SIRPA: variants seen among roughly 807,000 people sequenced by gnomAD.
SIRPA encodes signal regulatory protein alpha, also known as tyrosine-protein phosphatase non-receptor type substrate 1.
Under a neutral mutation model 50.3 loss-of-function variants are expected in SIRPA, and 9 were observed. That is an observed-to-expected ratio of 0.18 (90% CI 0.11 to 0.31). The LOEUF is 0.31. SIRPA is among the 10% of genes least tolerant of loss of function. The pLI is 1.00. For missense variants in SIRPA, 474 were observed against 661.6 expected (o/e 0.72, Z 3.11); for synonymous variants, 265 against 284.1 (o/e 0.93, Z 0.68).
chr20:1,909,730 C>T (rs1047881531), intron 1 of SIRPA, among the ~76,000 whole-genome samples: 15 of 151,934 alleles, frequency 9.9e-5, no homozygotes, highest in Non-Finnish European at 8.8e-5. Flanking sequence ...TGCAGTGAGC[C>T]GAGATTGTGC....
Position 1,939,196 on chromosome 20 carries a change from A to G in SIRPA, c.*1628A>G, listed in dbSNP as rs765539885. ...TTATTCAGTCTTCACTATAACTCTT[A>G]GAGTTGAGACGCTAATGTTCATGAC... On this transcript the variant is annotated 3_prime_UTR_variant, in exon 8 of 8. Coordinates refer to ENST00000358771, the MANE Select transcript of SIRPA (RefSeq NM_001040023.2). This position sits in a 1 kb window ranked among gnomAD's most constrained non-coding sequence, Gnocchi z 4.7. The G allele has an allele frequency of 6.6e-6, 1 of 152,184 alleles. No individual in the cohort carries two copies. Among genetic ancestry groups the G allele is most frequent in the Non-Finnish European group, 1.5e-5 (1 of 68,044 alleles). 9.4% of individuals were successfully genotyped at this position (152,184 alleles called of 1,614,324 possible). A position where few individuals can be genotyped will look rare whatever the true frequency, so the allele number is the denominator to read the frequency against.
rs1600468109 is a variant in SIRPA, at chr20:1,937,113, G to A, written c.1267-207G>A. On this transcript the variant is annotated intron_variant, in intron 7 of 7. Coordinates refer to ENST00000358771, the MANE Select transcript of SIRPA (RefSeq NM_001040023.2). The surrounding 1 kb of genome is among the most constrained non-coding windows in gnomAD (Gnocchi z 8.3). The stretch of plus-strand genomic sequence containing the variant: ...TGTGCGGGTCAGAAAGACCCTTCAG[G>A]CAGGGTGAGGAGGAGGGCAGATGGG... 6.8e-6 allele frequency among the ~76,000 whole-genome samples: 1 copy of A among 147,546 alleles called. No individual in the cohort carries two copies. Among genetic ancestry groups the A allele is most frequent in the Non-Finnish European group, 1.5e-5 (1 of 68,000 alleles).
chr20:1,921,331 C>G, intron 2 of SIRPA, 64 bp from the exon 3 acceptor site: 4 of 1,608,986 alleles, frequency 2.5e-6, no homozygotes, highest in Non-Finnish European at 3.4e-6. Context: ...TAACGTGTCA[C>G]ACACTTATCG....
At chr20:1,935,388 A>T (rs745312426) in intron 7 of SIRPA, among the ~76,000 whole-genome samples, 15 of 152,358 alleles carry the variant, frequency 9.8e-5, no homozygotes, top group Non-Finnish European at 1.9e-4. Context: ...GTAACAAGAC[A>T]GGCCCTGCTC....
chr20:1,929,223 C>T (rs941403099), intron 6 of SIRPA, among the ~76,000 whole-genome samples: 2 of 152,040 alleles, frequency 1.3e-5, no homozygotes, highest in Non-Finnish European at 2.9e-5. Context: ...AAAGTGTCGC[C>T]TGGCTACATG....
chr20:1,897,668 A>G (rs1055941794), intron 1 of SIRPA, among the ~76,000 whole-genome samples: 3 of 150,888 alleles, frequency 2.0e-5, no homozygotes, highest in African/African-American at 7.3e-5. Flanking sequence ...AATGACTACT[A>G]GTGTCTCAGG....
intron 1 of SIRPA, among the ~76,000 whole-genome samples, chr20:1,906,906 C>A (rs1479997162): frequency 6.6e-6 from 1 of 152,168 alleles, no homozygotes; most frequent in Non-Finnish European, 1.5e-5. Context: ...GGAAATGTCT[C>A]ATTCTGAGTC....
Position 1,915,263 on chromosome 20 carries a change from C to A in SIRPA, c.244C>A (p.Gln82Lys). The A allele has an allele frequency of 1.2e-6, 2 of 1,613,122 alleles. No homozygotes were observed. Among genetic ancestry groups the A allele is most frequent in the Non-Finnish European group, 1.7e-6 (2 of 1,179,738 alleles). Residue 82 changes from glutamine (Q) to lysine (K), a missense_variant, in exon 2 of 8, where the codon CAA becomes AAA. This residue lies in a region of SIRPA where 221 missense variants were observed against 359.9 expected (regional missense o/e 0.61). Transcript: ENST00000358771. ...ACCAGGCCGGGAATTAATCTACAATCAAAAAGAAGGCCACTTCCCCCGGGT... is the reference window on the plus strand; with the variant it reads ...ACCAGGCCGGGAATTAATCTACAATAAAAAAGAAGGCCACTTCCCCCGGGT... Reference protein sequence around the residue: ...AGPGRELIYNQKEGHFPRVTT... With the variant: ...AGPGRELIYNKKEGHFPRVTT...
chr20:1,936,654 A>G lies in SIRPA; in HGVS notation c.1267-666A>G, dbSNP rs992693296. ...TTGCCATCCACTCATATATTCATTC[A>G]ATATGGATCAGACTTCTTATGTGCC... On this transcript the variant is annotated intron_variant, in intron 7 of 7. Coordinates refer to ENST00000358771, the MANE Select transcript of SIRPA (RefSeq NM_001040023.2). This position sits in a 1 kb window ranked among gnomAD's most constrained non-coding sequence, Gnocchi z 4.2. Among the ~76,000 whole-genome samples the G allele has an allele frequency of 6.6e-6, 1 of 152,204 alleles. No homozygotes were observed. The highest frequency in any genetic ancestry group is 1.5e-5 in the Non-Finnish European group (1 of 68,040).
chr20:1,919,659 G>A (rs188151212), intron 2 of SIRPA, among the ~76,000 whole-genome samples: 4 of 151,940 alleles, frequency 2.6e-5, no homozygotes, highest in Admixed American at 2.0e-4. Context: ...TCCCTGCCTC[G>A]ACACACCAAG....
intron 5 of SIRPA, among the ~76,000 whole-genome samples, chr20:1,925,275 A>G (rs540000979): frequency 6.6e-6 from 1 of 152,318 alleles, no homozygotes; most frequent in East Asian, 1.9e-4. Context: ...CCTGGACAGG[A>G]GGCCAGAGGG....
At chr20:1,926,826 AC>A (rs1032491410) in intron 5 of SIRPA, among the ~76,000 whole-genome samples, 1 of 151,640 alleles carries the variant, frequency 6.6e-6, no homozygotes. Flanking sequence ...CCATAACTAG[AC>A]CCCCCTTCTC....
At chr20:1,895,306 C>T (rs1983716929), upstream of SIRPA, 4 of 495,630 alleles carry the variant, frequency 8.1e-6, no homozygotes, top group Non-Finnish European at 1.3e-5. Context: ...GCGGCCGCTC[C>T]AGGCGCCCGT....
chr20:1,901,772 C>T (rs771222738), intron 1 of SIRPA, among the ~76,000 whole-genome samples: 21 of 152,118 alleles, frequency 1.4e-4, no homozygotes, highest in Admixed American at 3.9e-4. Flanking sequence ...CACATTCGTT[C>T]GGGGGCGCAG....
intron 3 of SIRPA, 128 bp downstream of exon 3, chr20:1,921,840 C>T (rs944205800): frequency 1.3e-6 from 1 of 778,434 alleles, no homozygotes; most frequent in Admixed American, 2.5e-5. Context: ...CCTAACTGCC[C>T]ACCTCCCATG....
At chr20:1,921,780 C>T in intron 3 of SIRPA, 68 bp downstream of exon 3, 1 of 1,593,980 alleles carries the variant, frequency 6.3e-7, no homozygotes, top group Non-Finnish European at 8.6e-7. Context: ...ACCCTCCACT[C>T]ATCCAGCTCT....
chr20:1,921,605 T>C lies in SIRPA; in HGVS notation c.647T>C (p.Val216Ala). ...AGCATCCACAGCACAGCCAAGGTGG[T>C]GCTGACCCGCGAGGACGTTCACTCT... ...SYSIHSTAKV[V>A]LTREDVHSQV... Residue 216 changes from valine (V) to alanine (A), a missense_variant, in exon 3 of 8, where the codon GTG becomes GCG. By Grantham distance (64) the Val-to-Ala change is moderately conservative (BLOSUM62 0). Transcript: ENST00000358771. The C allele has an allele frequency of 6.2e-7, 1 of 1,614,218 alleles. No individual in the cohort carries two copies. The highest frequency in any genetic ancestry group is 1.3e-5 in the African/African-American group (1 of 75,064).
intron 1 of SIRPA, 108 bp downstream of exon 1, chr20:1,895,634 G>T: frequency 2.4e-6 from 2 of 831,624 alleles, no homozygotes; most frequent in Non-Finnish European, 3.4e-6. Context: ...AATAGGGGGA[G>T]AGACGCCTGT....
rs1349152336 is a variant in SIRPA at position 1,937,649 on chromosome 20, C to G, written c.*81C>G. 6.5e-7 allele frequency: 1 copy of G among 1,549,074 alleles called. No homozygotes were observed. The highest frequency in any genetic ancestry group is 1.4e-5 in the African/African-American group (1 of 73,708). On this transcript the variant is annotated 3_prime_UTR_variant, in exon 8 of 8. Transcript: ENST00000358771. The surrounding 1 kb of genome is among the most constrained non-coding windows in gnomAD (Gnocchi z 8.3). Reference sequence around the variant, plus strand: ...GAGCCGCCGTGATGAGCACAGCCAACCCAGTTCCCGGAGGGCTGGGGCGGT... The same window carrying G: ...GAGCCGCCGTGATGAGCACAGCCAAGCCAGTTCCCGGAGGGCTGGGGCGGT...
Sources: allele counts gnomAD v4.1 joint callset (sites outside exome capture counted in the v4.1 genomes callset), GRCh38; gene constraint gnomAD v4.1.1; regional missense constraint gnomAD v4.1.1; non-coding constraint Gnocchi (gnomAD v3.1); transcripts MANE v1.5; gene names NCBI Gene and HGNC (gene_info 2026-07-23, HGNC 2026-07-21).